The following PTPRN2 variants were observed in gnomAD, a reference collection of about 807,000 sequenced individuals.
The protein encoded by PTPRN2 is protein tyrosine phosphatase receptor type N2, also known as receptor-type tyrosine-protein phosphatase N2.
Under a neutral mutation model 118.8 loss-of-function variants are expected in PTPRN2, and 74 were observed. That is an observed-to-expected ratio of 0.62 (90% confidence interval 0.52 to 0.76). The LOEUF (loss-of-function observed/expected upper bound fraction) is 0.76. Among genes scored for constraint, PTPRN2 ranks in the 30% least tolerant of loss-of-function variants. The pLI, the probability that PTPRN2 is intolerant of heterozygous loss-of-function variation, is 0.00. For missense variants in PTPRN2, 1,481 were observed against 1,394.4 expected, an observed-to-expected ratio of 1.06 and a Z score of -0.99; for synonymous variants, 641 against 608.0, an observed-to-expected ratio of 1.05 and a Z score of -0.80.
chr7:157,604,066 G>A lies in PTPRN2; in HGVS notation c.2354C>T (p.Ser785Phe). 6.2e-7 allele frequency: 1 copy of A among 1,613,786 alleles called. No homozygotes were observed. Among genetic ancestry groups the A allele is most frequent in the South Asian group, 1.1e-5 (1 of 91,082 alleles). Residue 785 changes from serine to phenylalanine, a missense_variant, in exon 16 of 23, where the codon TCC becomes TTC. Around this residue, in one of 3 missense-constraint regions of PTPRN2, gnomAD observed 362 missense variants for 384.1 expected, o/e 0.94. Transcript: ENST00000389418. ...RSLAVLTYDH[S>F]RVLLKAENSH... ...GTTCTCCGCCTTCAGCAGGACCCGGGAGTGGTCATCTGCAAGGACACAGTG... is the reference window on the plus strand; with the variant it reads ...GTTCTCCGCCTTCAGCAGGACCCGGAAGTGGTCATCTGCAAGGACACAGTG...
chr7:158,414,100 G>A (rs1814431737), intron 2 of PTPRN2, among the ~76,000 whole-genome samples: 1 of 151,620 alleles, frequency 6.6e-6, no homozygotes, highest in African/African-American at 2.4e-5. Flanking sequence ...AGGAAGCAAG[G>A]GGATTCCTAG....
intron 12 of PTPRN2, among the ~76,000 whole-genome samples, chr7:157,822,638 CCATT>C (rs1238179916): frequency 1.3e-5 from 2 of 151,958 alleles, no homozygotes; most frequent in Non-Finnish European, 1.5e-5. Context: ...TTTCATCCAT[CCATT>C]CATCTACCCA....
chr7:157,765,878 CTCCA>C lies in PTPRN2; in HGVS notation c.1789-82945_1789-82942del, dbSNP rs544774112. ...TCATCCATCCATCCATCCATCATTA[CTCCA>C]TCCATCCATCCATCCACCCACCCAT... On this transcript the variant is annotated intron_variant, in intron 12 of 22. Coordinates refer to ENST00000389418, the MANE Select transcript of PTPRN2 (RefSeq NM_002847.5). 4.5e-3 allele frequency among the ~76,000 whole-genome samples: 593 copies of C among 132,960 alleles called. 2 individuals carry two copies. The highest frequency in any genetic ancestry group is 6.3e-3 in the Non-Finnish European group (401 of 63,584). The allele number at this position is 132,960 out of a possible 152,430, so 87.2% of individuals were successfully genotyped here. A position where few individuals can be genotyped will look rare whatever the true frequency, so the allele number is the denominator to read the frequency against.
Position 157,765,090 on chromosome 7 carries a change from C to T in PTPRN2, c.1789-82153G>A, listed in dbSNP as rs141509987. 2.4e-3 allele frequency among the ~76,000 whole-genome samples: 369 copies of T among 151,462 alleles called. 3 individuals carry two copies. The highest frequency in any genetic ancestry group is 2.6e-3 in the Non-Finnish European group (177 of 67,804). On this transcript the variant is annotated intron_variant, in intron 12 of 22. Coordinates refer to ENST00000389418, the MANE Select transcript of PTPRN2 (RefSeq NM_002847.5). ...TCATCCATGCATCCATACCTCCATC[C>T]ATCCAACCACCCATCCTTCCCCCAT...
At chr7:157,605,392 C>A (rs1190504140) in intron 15 of PTPRN2, among the ~76,000 whole-genome samples, 1 of 152,244 alleles carries the variant, frequency 6.6e-6, no homozygotes, top group Non-Finnish European at 1.5e-5. Context: ...GATGGAGTCA[C>A]AGGCCTAGCT....
chr7:158,008,636 C>G (rs191981741), intron 11 of PTPRN2, among the ~76,000 whole-genome samples: 12 of 152,360 alleles, frequency 7.9e-5, no homozygotes, highest in Admixed American at 3.3e-4. Flanking sequence ...GCCTGCCCCC[C>G]ACCAGCAGGC....
chr7:158,427,966 C>T (rs1472833487), intron 2 of PTPRN2, among the ~76,000 whole-genome samples: 1 of 109,222 alleles, frequency 9.2e-6, no homozygotes, highest in Non-Finnish European at 1.9e-5. Context: ...ACGCGGGGTC[C>T]GAGACCAGCC....
At chr7:158,169,694 A>AT (rs200399704) in intron 5 of PTPRN2, among the ~76,000 whole-genome samples, 38 of 146,038 alleles carry the variant, frequency 2.6e-4, no homozygotes, top group South Asian at 6.5e-4. Context: ...TATCTCTAAG[A>AT]TTTTTTTTTT....
At chr7:158,125,104 G>A (rs1173748051) in intron 9 of PTPRN2, among the ~76,000 whole-genome samples, 1 of 152,170 alleles carries the variant, frequency 6.6e-6, no homozygotes, top group East Asian at 1.9e-4. Context: ...GAGCTGCCGG[G>A]CTGGCGAGAC....
intron 13 of PTPRN2, among the ~76,000 whole-genome samples, chr7:157,677,694 G>A (rs1796733446): frequency 6.6e-6 from 1 of 152,144 alleles, no homozygotes; most frequent in Admixed American, 6.5e-5. Context: ...GAACACACAG[G>A]CAAACAAAAA....
At chr7:158,558,408 G>A (rs1827183926) in intron 1 of PTPRN2, among the ~76,000 whole-genome samples, 1 of 152,192 alleles carries the variant, frequency 6.6e-6, no homozygotes, top group African/African-American at 2.4e-5. Flanking sequence ...TTTAGATCCT[G>A]AGGCCGCAGG....
intron 3 of PTPRN2, among the ~76,000 whole-genome samples, chr7:158,220,182 G>T (rs1358924875): frequency 6.6e-6 from 1 of 151,958 alleles, no homozygotes; most frequent in East Asian, 1.9e-4. Context: ...AAAATAATAA[G>T]ATCCATCAAT....
At chr7:157,702,096 G>T (rs1050368583) in intron 12 of PTPRN2, among the ~76,000 whole-genome samples, 1 of 150,406 alleles carries the variant, frequency 6.6e-6, no homozygotes, top group African/African-American at 2.4e-5. Flanking sequence ...AAGCCTGGTC[G>T]GTCCTGGTGT....
intron 11 of PTPRN2, among the ~76,000 whole-genome samples, chr7:158,073,632 T>C (rs1216497308): frequency 6.7e-6 from 1 of 150,008 alleles, no homozygotes; most frequent in Non-Finnish European, 1.5e-5. Context: ...TATGCGGAGA[T>C]GAGGCCGCTT....
chr7:158,221,891 C>A (rs1563620788), intron 3 of PTPRN2, among the ~76,000 whole-genome samples: 1 of 152,030 alleles, frequency 6.6e-6, no homozygotes, highest in Non-Finnish European at 1.5e-5. Context: ...AAGAAAAAAG[C>A]AGCCCCATTA....
intron 11 of PTPRN2, among the ~76,000 whole-genome samples, chr7:157,963,511 C>T (rs966660979): frequency 6.6e-6 from 1 of 152,270 alleles, no homozygotes; most frequent in Non-Finnish European, 1.5e-5. Context: ...GTGTTACACA[C>T]ATCAGTTCAG....
intron 11 of PTPRN2, among the ~76,000 whole-genome samples, chr7:158,065,433 G>A (rs957015159): frequency 3.3e-5 from 5 of 152,236 alleles, no homozygotes; most frequent in East Asian, 1.9e-4. Context: ...CATGGTTTGC[G>A]GAATATGGGC....
intron 11 of PTPRN2, among the ~76,000 whole-genome samples, chr7:157,996,937 C>G (rs912043226): frequency 6.6e-6 from 1 of 152,152 alleles, no homozygotes; most frequent in Non-Finnish European, 1.5e-5. Flanking sequence ...TGGGGAGGCA[C>G]GAGCTTCTCT....
intron 11 of PTPRN2, among the ~76,000 whole-genome samples, chr7:157,948,101 A>C (rs996082012): frequency 7.2e-5 from 11 of 152,264 alleles, no homozygotes; most frequent in African/African-American, 2.7e-4. Flanking sequence ...AATTCTAAAC[A>C]GTAACCAGAA....
Sources: gnomAD v4.1 joint callset for allele counts (sites outside exome capture counted in the v4.1 genomes callset) on GRCh38, gnomAD v4.1.1 for gene constraint, gnomAD v4.1.1 regional missense constraint, MANE v1.5 for transcripts, NCBI Gene and HGNC (gene_info 2026-07-23, HGNC 2026-07-21) for gene names.